Variants in DDAH1 observed in about 807,000 individuals in gnomAD.
DDAH1 encodes the protein N(G),N(G)-dimethylarginine dimethylaminohydrolase 1.
DDAH1 carries 19 observed loss-of-function variants against 28.8 expected under a neutral mutation model. The observed-to-expected ratio is 0.66, with a 90% CI of 0.46 to 0.97. DDAH1 has a LOEUF of 0.97. Ranked by LOEUF, DDAH1 falls within the 50% of genes least tolerant of loss-of-function variation. The pLI, the probability that DDAH1 is intolerant of heterozygous loss-of-function variation, is 0.00. For synonymous variants in DDAH1, 153 were observed against 154.4 expected, an observed-to-expected ratio of 0.99 and a Z score of 0.07; for missense variants, 326 against 375.9, an observed-to-expected ratio of 0.87 and a Z score of 1.10.
chr1:85,363,906 CT>C (rs71819142), intron 1 of DDAH1, among the ~76,000 whole-genome samples: 41,948 of 130,354 alleles, frequency 0.32, 5,976 homozygotes, highest in South Asian at 0.41. Context: ...TGGATGTCAA[CT>C]TTTTTTTTTT....
intron 1 of DDAH1, among the ~76,000 whole-genome samples, chr1:85,426,616 T>C (rs984701471): frequency 2.0e-5 from 3 of 151,480 alleles, no homozygotes; most frequent in Admixed American, 6.6e-5. Context: ...CTCAAAGGAG[T>C]TGAAAAACAA....
chr1:85,339,802 T>C (rs1021848275), intron 4 of DDAH1, among the ~76,000 whole-genome samples: 5 of 152,146 alleles, frequency 3.3e-5, no homozygotes, highest in African/African-American at 1.2e-4. Flanking sequence ...ATACATGTGA[T>C]TTCCACAGAG....
intron 1 of DDAH1, among the ~76,000 whole-genome samples, chr1:85,447,117 C>T (rs1654471266): frequency 6.6e-6 from 1 of 152,180 alleles, no homozygotes; most frequent in African/African-American, 2.4e-5. Flanking sequence ...GTCAGCTACA[C>T]AGGAGACACC....
intron 1 of DDAH1, among the ~76,000 whole-genome samples, chr1:85,415,058 A>G (rs1340723361): frequency 8.8e-6 from 1 of 113,468 alleles, no homozygotes; most frequent in Non-Finnish European, 1.6e-5. Flanking sequence ...ACTGTCACCC[A>G]GGCTGGAGTG....
intron 2 of DDAH1, among the ~76,000 whole-genome samples, chr1:85,356,181 ACT>A (rs1045484345): frequency 1.3e-4 from 20 of 152,280 alleles, no homozygotes; most frequent in African/African-American, 2.4e-4. Context: ...ACATTTTATA[ACT>A]CTTTTTTAAT....
chr1:85,381,175 A>G (rs900602672), intron 1 of DDAH1, among the ~76,000 whole-genome samples: 2 of 151,046 alleles, frequency 1.3e-5, no homozygotes, highest in Non-Finnish European at 2.9e-5. Flanking sequence ...TGGAGGTTGC[A>G]GTGAGCCGAG....
chr1:85,424,104 G>A lies in DDAH1; in HGVS notation c.303+40639C>T, dbSNP rs542504444. 2.6e-5 allele frequency among the ~76,000 whole-genome samples: 4 copies of A among 152,158 alleles called. No individual in the cohort carries two copies. In the South Asian group the frequency reaches 8.3e-4, roughly 32 times the overall value. ...TGTATAATTTTTTTATATATTATTAGATTCAATTTCCTAATATTTCATTGA... is the reference window on the plus strand; with the variant it reads ...TGTATAATTTTTTTATATATTATTAAATTCAATTTCCTAATATTTCATTGA... On this transcript the variant is annotated intron_variant, in intron 1 of 5. Transcript: ENST00000284031.
At chr1:85,407,420 T>C (rs1652456720) in intron 1 of DDAH1, among the ~76,000 whole-genome samples, 1 of 152,174 alleles carries the variant, frequency 6.6e-6, no homozygotes, top group South Asian at 2.1e-4. Flanking sequence ...TATGGTAAAA[T>C]GTACCCTGAC....
chr1:85,348,788 T>C (rs1649019241), intron 4 of DDAH1, among the ~76,000 whole-genome samples: 1 of 152,196 alleles, frequency 6.6e-6, no homozygotes, highest in Admixed American at 6.5e-5. Context: ...ACCTTTTATT[T>C]TGTTATGTGT....
Position 85,539,399 on chromosome 1 carries a change from G to A in DDAH1, c.-123+38585C>T, listed in dbSNP as rs116818037. On this transcript the variant is annotated intron_variant, in intron 1 of 6. Coordinates refer to the DDAH1 transcript ENST00000426972. ...TGAGCTCAGGTGATCCGCCTTTCTC[G>A]GCCTCCCAAAGTGGATTACAGGCGG... Among the ~76,000 whole-genome samples the A allele has an allele frequency of 3.9e-5, 6 of 152,268 alleles. No homozygotes were observed. In the East Asian group the frequency reaches 9.6e-4, roughly 24 times the overall value.
intron 1 of DDAH1, among the ~76,000 whole-genome samples, chr1:85,547,534 G>C (rs917442640): frequency 6.6e-6 from 1 of 152,132 alleles, no homozygotes; most frequent in Non-Finnish European, 1.5e-5. Flanking sequence ...GTCCTTTGCC[G>C]AACATCAAGC....
chr1:85,472,175 A>C (rs1655641106), intron 2 of DDAH1, among the ~76,000 whole-genome samples: 1 of 152,252 alleles, frequency 6.6e-6, no homozygotes, highest in Admixed American at 6.5e-5. Flanking sequence ...CCTTGTTTGT[A>C]GATCATAAGA....
intron 4 of DDAH1, among the ~76,000 whole-genome samples, chr1:85,348,224 T>A (rs1325617020): frequency 6.6e-6 from 1 of 152,068 alleles, no homozygotes; most frequent in Non-Finnish European, 1.5e-5. Flanking sequence ...AATTTGACCA[T>A]GGGAAGGGAA....
chr1:85,384,976 A>G (rs929684680), intron 1 of DDAH1, among the ~76,000 whole-genome samples: 12 of 152,258 alleles, frequency 7.9e-5, no homozygotes, highest in African/African-American at 2.9e-4. Flanking sequence ...CTAATTAAGG[A>G]GACCTTTTAT....
At chr1:85,499,159 T>G (rs1022388641) in intron 1 of DDAH1, among the ~76,000 whole-genome samples, 30 of 152,230 alleles carry the variant, frequency 2.0e-4, no homozygotes, top group African/African-American at 7.2e-4. Flanking sequence ...AGAGATGCTT[T>G]ATGTATAAAG....
chr1:85,576,478 T>G (rs1659608206), intron 1 of DDAH1, among the ~76,000 whole-genome samples: 1 of 152,062 alleles, frequency 6.6e-6, no homozygotes, highest in African/African-American at 2.4e-5. Context: ...AGAGCCAGCT[T>G]TACCATGTGT....
At chr1:85,427,849 TC>T (rs769844061) in intron 1 of DDAH1, among the ~76,000 whole-genome samples, 35 of 152,250 alleles carry the variant, frequency 2.3e-4, no homozygotes, top group Admixed American at 1.3e-3. Flanking sequence ...ATGAACTAGC[TC>T]CGCAAATATC....
chr1:85,536,591 A>C (rs1423898803), intron 1 of DDAH1, among the ~76,000 whole-genome samples: 1 of 148,786 alleles, frequency 6.7e-6, no homozygotes, highest in African/African-American at 2.5e-5. Flanking sequence ...ACAAATGAAC[A>C]AAAAAACACA....
intron 1 of DDAH1, among the ~76,000 whole-genome samples, chr1:85,554,670 A>T (rs1348928171): frequency 6.6e-6 from 1 of 152,236 alleles, no homozygotes; most frequent in Admixed American, 6.5e-5. Context: ...AAAAGCCTCA[A>T]ATCAAAACAA....
Sources: gnomAD v4.1 joint callset for allele counts (sites outside exome capture counted in the v4.1 genomes callset) on GRCh38, gnomAD v4.1.1 for gene constraint, MANE v1.5 for transcripts, NCBI Gene and HGNC (gene_info 2026-07-23, HGNC 2026-07-21) for gene names.